The following TMEM43 variants were observed in gnomAD, a reference collection of about 807,000 sequenced individuals.
The protein encoded by TMEM43 is transmembrane protein 43.
In TMEM43, 45 loss-of-function variants were observed where a neutral mutation model predicts 49.6. The ratio of observed to expected loss-of-function variants is 0.91; its 90% CI spans 0.71 to 1.16. The LOEUF (loss-of-function observed/expected upper bound fraction) is 1.16. Ranked by LOEUF, TMEM43 falls within the 50% of genes most tolerant of loss-of-function variation. The pLI, the probability that TMEM43 is intolerant of heterozygous loss-of-function variation, is 0.00. For synonymous variants in TMEM43, 199 were observed against 207.8 expected, an observed-to-expected ratio of 0.96 and a Z score of 0.36; for missense variants, 532 against 516.6, an observed-to-expected ratio of 1.03 and a Z score of -0.29.
At chr3:14,138,204 T>C (rs2607766) in intron 10 of TMEM43, among the ~76,000 whole-genome samples, 150,219 of 152,274 alleles carry the variant, frequency 0.99, 74,101 homozygotes, top group East Asian at 1. Context: ...CAGGCAATCG[T>C]TGTAGGCAGA....
Position 14,141,825 on chromosome 3 carries a change from G to A in TMEM43, c.*30G>A, listed in dbSNP as rs760768474. 8.8e-6 allele frequency: 14 copies of A among 1,598,320 alleles called. No individual in the cohort carries two copies. Among genetic ancestry groups the A allele is most frequent in the Admixed American group, 3.4e-5 (2 of 58,628 alleles). On this transcript the variant is annotated 3_prime_UTR_variant, in exon 12 of 12. Coordinates refer to ENST00000306077, the MANE Select transcript of TMEM43 (RefSeq NM_024334.3). ...ACCCTGGCACCCGCCCGACACCTGCGTGAGCCCTAGGATCCAGGTCCTCTC... is the reference window on the plus strand; with the variant it reads ...ACCCTGGCACCCGCCCGACACCTGCATGAGCCCTAGGATCCAGGTCCTCTC...
chr3:14,130,705 G>A, intron 2 of TMEM43, 117 bp from the exon 3 acceptor site: 3 of 1,333,086 alleles, frequency 2.3e-6, no homozygotes, highest in East Asian at 2.4e-5. Flanking sequence ...ACTGTACGGT[G>A]GGGAGATGGG....
chr3:14,140,979 G>A (rs1695238921), intron 11 of TMEM43, among the ~76,000 whole-genome samples: 1 of 152,232 alleles, frequency 6.6e-6, no homozygotes, highest in Admixed American at 6.5e-5. Flanking sequence ...CCAACCTGGA[G>A]AGGTCACACA....
chr3:14,141,600 G>C lies in TMEM43; in HGVS notation c.1008G>C (p.Trp336Cys). 2 of 1,614,114 alleles carry C rather than the reference G, an allele frequency of 1.2e-6. No individual in the cohort carries two copies. The highest frequency in any genetic ancestry group is 1.7e-6 in the Non-Finnish European group (2 of 1,180,038). Reference sequence around the variant, plus strand: ...CCTTTCTCCTTTCCACAGTGGACTGGTTTCCTGTTTTCCGAGACCTGGTCA... The same window carrying C: ...CCTTTCTCCTTTCCACAGTGGACTGCTTTCCTGTTTTCCGAGACCTGGTCA... ...MTRILYTLVD[W>C]FPVFRDLVNI... is the part of the protein sequence containing the mutation. Residue 336 changes from tryptophan (W) to cysteine (C), a missense_variant, in exon 12 of 12, where the codon TGG (tryptophan) becomes TGC (cysteine). By Grantham distance (215) the Trp-to-Cys change is radical (BLOSUM62 -2). Transcript: ENST00000306077.
rs2731310 is a variant in TMEM43, at chr3:14,142,595, T to C, written c.*800T>C. The stretch of plus-strand genomic sequence containing the variant: ...AAAAACACTTAATATTTCAGACTGT[T>C]ACAGGAAACACCCTTTAGTCTGTCA... On this transcript the variant is annotated 3_prime_UTR_variant, in exon 12 of 12. Transcript: ENST00000306077. The C allele has an allele frequency of 6.5e-6, 1 of 152,676 alleles. No homozygotes were observed. Among genetic ancestry groups the C allele is most frequent in the African/African-American group, 2.4e-5 (1 of 41,458 alleles). The allele number at this position is 152,676 out of a possible 1,614,324, so 9.5% of individuals were successfully genotyped here.
chr3:14,128,900 T>A (rs1201151729), intron 1 of TMEM43: 1 of 454,490 alleles, frequency 2.2e-6, no homozygotes, highest in Non-Finnish European at 4.4e-6. Context: ...GACGAATGAT[T>A]CAGCACACTG....
chr3:14,132,243 A>G lies in TMEM43; in HGVS notation c.393-303A>G, dbSNP rs970674206. Among the ~76,000 whole-genome samples the G allele has an allele frequency of 3.3e-5, 5 of 152,308 alleles. No homozygotes were observed. In the East Asian group the frequency reaches 9.7e-4, roughly 29 times the overall value. The stretch of plus-strand genomic sequence containing the variant: ...GCCCCCCGCAGGGCTGTCCTGGAGC[A>G]GAGGATGCAGCCAGATCTCTGAGCC... On this transcript the variant is annotated intron_variant, in intron 4 of 11. Coordinates refer to ENST00000306077, the MANE Select transcript of TMEM43 (RefSeq NM_024334.3).
chr3:14,125,057 A>G lies in TMEM43; in HGVS notation c.-137A>G, dbSNP rs1694997299. 5 of 1,136,990 alleles carry G rather than the reference A, an allele frequency of 4.4e-6. No homozygotes were observed. In the Admixed American group the frequency reaches 5.9e-5, roughly 13 times the overall value. The allele number at this position is 1,136,990 out of a possible 1,614,324, so 70.4% of individuals were successfully genotyped here. ...GGGCACAGGGGGAGGTAACTGCAGT[A>G]AGTCCCGCTTGGCCCTGGAGTCCAC... On this transcript the variant is annotated 5_prime_UTR_variant, in exon 1 of 12. Transcript: ENST00000306077.
Position 14,130,540 on chromosome 3 carries a change from G to T in TMEM43, c.163-282G>T, listed in dbSNP as rs1476505997. ...GAGAAAAATGGGGAGAAAGGGACAG[G>T]CAGGCAGAAACATCAGCTGTTCCCA... On this transcript the variant is annotated intron_variant, in intron 2 of 11. Transcript: ENST00000306077. 4.6e-5 allele frequency among the ~76,000 whole-genome samples: 7 copies of T among 152,216 alleles called. No homozygotes were observed. In the South Asian group the frequency reaches 1.3e-3, roughly 27 times the overall value.
In TMEM43 at chr3:14,133,614, C is replaced by T. The variant is rs78384995; in HGVS notation, c.513-125C>T. 1.6e-3 allele frequency: 1,434 copies of T among 870,302 alleles called. 13 individuals carry two copies. The African/African-American group carries it at 0.021, about 13-fold the overall frequency. The allele number at this position is 870,302 out of a possible 1,614,324, so 53.9% of individuals were successfully genotyped here. On this transcript the variant is annotated intron_variant, in intron 6 of 11. Transcript: ENST00000306077. ...GGTGGACAGGACAAGATGTCTGCTG[C>T]GCCTGGGCTAATCTGGACTTGCAGG...
chr3:14,129,752 A>G (rs774099231), intron 2 of TMEM43, among the ~76,000 whole-genome samples, 191 bp downstream of exon 2: 1 of 152,230 alleles, frequency 6.6e-6, no homozygotes, highest in Non-Finnish European at 1.5e-5. Context: ...GAAGGGGAGT[A>G]GATCAGTTCA....
chr3:14,131,721 G>C (rs1258459416), intron 4 of TMEM43, 47 bp downstream of exon 4: 1 of 1,383,650 alleles, frequency 7.2e-7, no homozygotes, highest in South Asian at 1.2e-5. Context: ...GAGGAGTGAA[G>C]TGTAGGTGTC....
chr3:14,126,411 C>A (rs1471922503), intron 1 of TMEM43, among the ~76,000 whole-genome samples: 4 of 152,174 alleles, frequency 2.6e-5, no homozygotes, highest in African/African-American at 4.8e-5. Context: ...CAGGGGAAGG[C>A]ACTTGCCCAA....
At chr3:14,132,307 C>T (rs528336781) in intron 4 of TMEM43, among the ~76,000 whole-genome samples, 3 of 152,170 alleles carry the variant, frequency 2.0e-5, no homozygotes, top group Non-Finnish European at 2.9e-5. Flanking sequence ...AAGGCCAGTG[C>T]GGGCAGATTT....
Position 14,131,589 on chromosome 3 carries a change from G to C in TMEM43, c.307G>C (p.Asp103His). Residue 103 changes from aspartate (D) to histidine (H), a missense_variant, in exon 4 of 12, where the codon GAT becomes CAT. By Grantham distance (81) the Asp-to-His change is moderately conservative (BLOSUM62 -1). Coordinates refer to ENST00000306077, the MANE Select transcript of TMEM43 (RefSeq NM_024334.3). ...TTGATTCTGTTTGAAGCTTTTGTCTGATCCAAACTATGGGGTCCATCTTCC... is the reference window on the plus strand; with the variant it reads ...TTGATTCTGTTTGAAGCTTTTGTCTCATCCAAACTATGGGGTCCATCTTCC... ...GALRTSKLLSDPNYGVHLPAV... is the reference protein window; with the variant it reads ...GALRTSKLLSHPNYGVHLPAV... 1 of 1,614,130 alleles carries C rather than the reference G, an allele frequency of 6.2e-7. No individual in the cohort carries two copies. Among genetic ancestry groups the C allele is most frequent in the African/African-American group, 1.3e-5 (1 of 75,030 alleles).
chr3:14,139,385 G>A (rs1695220183), intron 11 of TMEM43, 88 bp downstream of exon 11: 3 of 946,704 alleles, frequency 3.2e-6, no homozygotes, highest in African/African-American at 3.2e-5. Flanking sequence ...CTTCCAGCCT[G>A]ATGGGATGGC....
chr3:14,135,178 C>A lies in TMEM43; in HGVS notation c.726C>A (p.Ser242=), dbSNP rs1489751330. 1.2e-6 allele frequency: 2 copies of A among 1,612,720 alleles called. No homozygotes were observed. The highest frequency in any genetic ancestry group is 2.7e-5 in the African/African-American group (2 of 75,054). Residue 242 remains serine, a synonymous_variant, in exon 9 of 12, where the codon TCC becomes TCA. Coordinates refer to ENST00000306077, the MANE Select transcript of TMEM43 (RefSeq NM_024334.3). The part of the protein sequence containing the change: ...KYPEVGDLRV[S]FSYAGLSGDD... ...CCCAGGTGGGAGACTTGCGTGTCTC[C>A]TTTTCCTATGCTGGACTGAGCGGCG...
At position 14,141,913 on chromosome 3, in the gene TMEM43, C is replaced by G; in HGVS notation, c.*118C>G. On this transcript the variant is annotated 3_prime_UTR_variant, in exon 12 of 12. Coordinates refer to ENST00000306077, the MANE Select transcript of TMEM43 (RefSeq NM_024334.3). Reference sequence around the variant, plus strand: ...CGGTCAATTTTGGACTCTGCACTCCCTCTCCTCTTCAGGGGCCAGACTTGG... The same window carrying G: ...CGGTCAATTTTGGACTCTGCACTCCGTCTCCTCTTCAGGGGCCAGACTTGG... The G allele has an allele frequency of 1.0e-6, 1 of 958,824 alleles. No homozygotes were observed. The highest frequency in any genetic ancestry group is 1.6e-5 in the South Asian group (1 of 62,470). 59.4% of individuals were successfully genotyped at this position (958,824 alleles called of 1,614,324 possible).
At chr3:14,136,298 T>G (rs974847785) in intron 10 of TMEM43, among the ~76,000 whole-genome samples, 1 of 152,234 alleles carries the variant, frequency 6.6e-6, no homozygotes, top group African/African-American at 2.4e-5. Context: ...TTTTGGATTT[T>G]GGAGCACTTC....
Sources: allele counts gnomAD v4.1 joint callset (sites outside exome capture counted in the v4.1 genomes callset), GRCh38; gene constraint gnomAD v4.1.1; transcripts MANE v1.5; gene names NCBI Gene and HGNC (gene_info 2026-07-23, HGNC 2026-07-21).